Variants in PXDC1 observed in about 807,000 individuals in gnomAD.
PXDC1 encodes the protein PX domain containing 1.
A neutral mutation model predicts 24.4 loss-of-function variants in PXDC1; 13 were observed. The observed-to-expected ratio is 0.53, with a 90% confidence interval of 0.35 to 0.85. PXDC1 has a LOEUF of 0.85. Ranked by LOEUF, PXDC1 falls within the 40% of genes least tolerant of loss-of-function variation. PXDC1 has a pLI of 0.01. For synonymous variants in PXDC1, 162 were observed against 124.9 expected (o/e 1.30, Z -1.98); for missense variants, 344 against 309.3 (o/e 1.11, Z -0.84).
Position 3,737,270 on chromosome 6 carries a change from G to C in PXDC1, c.349-74C>G, listed in dbSNP as rs1581246746. The C allele has an allele frequency of 9.6e-7, 1 of 1,040,520 alleles. No homozygotes were observed. The highest frequency in any genetic ancestry group is 1.5e-6 in the Non-Finnish European group (1 of 667,416). The allele number at this position is 1,040,520 out of a possible 1,614,324, so 64.5% of individuals were successfully genotyped here. ...GGCCCTGTCTGTCTACCAAGAGAGG[G>C]CCCCGCTCCTCCGCAGAGGCAGCCT... On this transcript the variant is annotated intron_variant, in intron 2 of 4. Transcript: ENST00000380283. The surrounding 1 kb of genome is among the most constrained non-coding windows in gnomAD (Gnocchi z 5.5).
intron 3 of PXDC1, among the ~76,000 whole-genome samples, chr6:3,729,394 G>C (rs1325745305): frequency 1.3e-5 from 2 of 152,154 alleles, no homozygotes; most frequent in Non-Finnish European, 2.9e-5. Flanking sequence ...TCAGGTCATT[G>C]CTAAAATTCC....
chr6:3,749,864 C>T (rs1425367105), intron 1 of PXDC1, among the ~76,000 whole-genome samples: 1 of 152,326 alleles, frequency 6.6e-6, no homozygotes, highest in Non-Finnish European at 1.5e-5. Flanking sequence ...TGTATTTAAG[C>T]CTCGTTCCAG....
At chr6:3,733,160 G>A (rs571870512) in intron 3 of PXDC1, among the ~76,000 whole-genome samples, 2 of 152,266 alleles carry the variant, frequency 1.3e-5, no homozygotes, top group South Asian at 2.1e-4. Context: ...TCAGAGCTTT[G>A]GGATGACTGG....
rs538967148 is a variant in PXDC1, at chr6:3,725,023, G to A, written c.579-1287C>T. Among the ~76,000 whole-genome samples, 29 of 152,216 alleles carry A rather than the reference G, an allele frequency of 1.9e-4. No homozygotes were observed. In the South Asian group the frequency reaches 2.7e-3, roughly 14 times the overall value. ...AACACGAGGCTGGGACAGAGGCCGC[G>A]GCACAAAGAGCCCTAGCTGTGGGTG... On this transcript the variant is annotated intron_variant, in intron 4 of 4. Coordinates refer to ENST00000380283, the MANE Select transcript of PXDC1 (RefSeq NM_183373.4). The surrounding 1 kb of genome is among the most constrained non-coding windows in gnomAD (Gnocchi z 4.8).
chr6:3,728,805 G>A lies in PXDC1; in HGVS notation c.467-1143C>T, dbSNP rs1018617372. The stretch of plus-strand genomic sequence containing the variant: ...GTATTTTCTGAGGGACCGCGTTTCC[G>A]TCCCCTCGCTCAGCAGATGAGATCT... On this transcript the variant is annotated intron_variant, in intron 3 of 4. Coordinates refer to ENST00000380283, the MANE Select transcript of PXDC1 (RefSeq NM_183373.4). The surrounding 1 kb of genome is among the most constrained non-coding windows in gnomAD (Gnocchi z 4.0). 2.0e-5 allele frequency among the ~76,000 whole-genome samples: 3 copies of A among 152,116 alleles called. No homozygotes were observed. Among genetic ancestry groups the A allele is most frequent in the African/African-American group, 7.2e-5 (3 of 41,420 alleles).
chr6:3,739,558 T>C (rs1760407720), intron 1 of PXDC1, among the ~76,000 whole-genome samples: 1 of 152,242 alleles, frequency 6.6e-6, no homozygotes, highest in African/African-American at 2.4e-5. Context: ...TGGAAAACCC[T>C]GGGGCCTCTG....
chr6:3,723,949 C>G (rs767768103), intron 4 of PXDC1, among the ~76,000 whole-genome samples: 2 of 152,252 alleles, frequency 1.3e-5, no homozygotes, highest in African/African-American at 2.4e-5. Flanking sequence ...TTTGCTTAGA[C>G]AACCCTTAGC....
intron 1 of PXDC1, among the ~76,000 whole-genome samples, chr6:3,748,039 C>A (rs1760607981): frequency 6.6e-6 from 1 of 152,118 alleles, no homozygotes; most frequent in Non-Finnish European, 1.5e-5. Context: ...ATAGAAATAA[C>A]AATCGAAAAA....
At chr6:3,751,124 CCCTCGTCTGCGG>C in intron 1 of PXDC1, 140 bp downstream of exon 1, 1 of 602,948 alleles carries the variant, frequency 1.7e-6, no homozygotes, top group South Asian at 2.7e-5. Flanking sequence ...GCCCGGGCAC[CCCTCGTCTGCGG>C]GCGCGGGGTC....
At chr6:3,743,891 A>C (rs905569604) in intron 1 of PXDC1, among the ~76,000 whole-genome samples, 1 of 152,138 alleles carries the variant, frequency 6.6e-6, no homozygotes, top group Non-Finnish European at 1.5e-5. Context: ...CAGGAGTGAA[A>C]AGCTGAGCTG....
chr6:3,727,544 T>C lies in PXDC1; in HGVS notation c.578+7A>G. 6.4e-7 allele frequency: 1 copy of C among 1,562,396 alleles called. No individual in the cohort carries two copies. The highest frequency in any genetic ancestry group is 1.7e-4 in the Middle Eastern group (1 of 5,962). On this transcript the variant is annotated splice_region_variant and intron_variant, in intron 4 of 4. Transcript: ENST00000380283. ...CTATGAAACGATATTCAAATCAGCA[T>C]ACTTACAAATGCTCTGTTGGGTCCA...
intron 3 of PXDC1, among the ~76,000 whole-genome samples, chr6:3,734,692 A>T (rs944624993): frequency 6.6e-6 from 1 of 152,208 alleles, no homozygotes; most frequent in African/African-American, 2.4e-5. Flanking sequence ...AAGGTATCTT[A>T]GGGAGATATC....
At chr6:3,745,427 C>A (rs1419126330) in intron 1 of PXDC1, among the ~76,000 whole-genome samples, 1 of 152,238 alleles carries the variant, frequency 6.6e-6, no homozygotes. Flanking sequence ...CTCACAACGG[C>A]CCTGCGTGCG....
At chr6:3,744,855 A>T (rs993602953) in intron 1 of PXDC1, among the ~76,000 whole-genome samples, 1 of 152,178 alleles carries the variant, frequency 6.6e-6, no homozygotes, top group Non-Finnish European at 1.5e-5. Flanking sequence ...GCGCGCTACC[A>T]GGCTCGGCTA....
At chr6:3,736,799 C>T (rs569703020) in intron 3 of PXDC1, among the ~76,000 whole-genome samples, 1 of 152,348 alleles carries the variant, frequency 6.6e-6, no homozygotes, top group South Asian at 2.1e-4. Flanking sequence ...GCTTCAAACT[C>T]TATCATCAAT....
At position 3,724,981 on chromosome 6, in the gene PXDC1, A is replaced by G. The variant is rs557803957; in HGVS notation, c.579-1245T>C. Among the ~76,000 whole-genome samples, 18 of 152,166 alleles carry G rather than the reference A, an allele frequency of 1.2e-4. No individual in the cohort carries two copies. The highest frequency in any genetic ancestry group is 4.1e-4 in the African/African-American group (17 of 41,524). ...TGTCAGCCCCCGCCTCGGCTTCCCT[A>G]TGCTCACGGTCCTGGCAACACGAGG... On this transcript the variant is annotated intron_variant, in intron 4 of 4. Transcript: ENST00000380283. This position sits in a 1 kb window ranked among gnomAD's most constrained non-coding sequence, Gnocchi z 4.5.
At chr6:3,750,494 G>A (rs1760678748) in intron 1 of PXDC1, among the ~76,000 whole-genome samples, 1 of 151,934 alleles carries the variant, frequency 6.6e-6, no homozygotes, top group African/African-American at 2.4e-5. Flanking sequence ...CTCAATTCCA[G>A]TCCCTCTCTC....
At chr6:3,723,869 G>T in intron 4 of PXDC1, 133 bp from the exon 5 acceptor site, 1 of 683,872 alleles carries the variant, frequency 1.5e-6, no homozygotes, top group South Asian at 1.7e-5. Context: ...CAAATGAACT[G>T]GTGAGCTGGC....
intron 3 of PXDC1, among the ~76,000 whole-genome samples, chr6:3,733,909 C>T (rs926607138): frequency 3.3e-5 from 5 of 152,136 alleles, no homozygotes; most frequent in Non-Finnish European, 7.4e-5. Flanking sequence ...ACATTTCCTC[C>T]CATTCTTCTG....
Sources: allele counts gnomAD v4.1 joint callset (sites outside exome capture counted in the v4.1 genomes callset), GRCh38; gene constraint gnomAD v4.1.1; non-coding constraint Gnocchi (gnomAD v3.1); transcripts MANE v1.5; gene names NCBI Gene and HGNC (gene_info 2026-07-23, HGNC 2026-07-21).